The following ETV6 variants were observed in gnomAD, a reference collection of about 807,000 sequenced individuals.
ETV6 encodes transcription factor ETV6.
ETV6 carries 16 observed loss-of-function variants against 51.1 expected under a neutral mutation model. The observed-to-expected ratio is 0.31, with a 90% CI of 0.21 to 0.48. The LOEUF (loss-of-function observed/expected upper bound fraction) is 0.48, where lower values mean the gene tolerates loss of function less well. ETV6 is among the 20% of genes least tolerant of loss of function. The probability of loss-of-function intolerance (pLI) is 0.99; values close to 1 mark genes in which losing one functional copy is unlikely to be tolerated. For synonymous variants in ETV6, 240 were observed against 224.1 expected, an observed-to-expected ratio of 1.07 and a Z score of -0.64; for missense variants, 458 against 594.8, an observed-to-expected ratio of 0.77 and a Z score of 2.39.
chr12:11,689,041 CAAAG>C (rs1207870598), intron 1 of ETV6, among the ~76,000 whole-genome samples: 1 of 137,122 alleles, frequency 7.3e-6, no homozygotes, highest in East Asian at 2.1e-4. Flanking sequence ...TCTCTTTAGA[CAAAG>C]AAAATATGTG....
rs1428263884 is a variant in ETV6 at position 11,844,433 on chromosome 12, C to A, written c.328+5129C>A. On this transcript the variant is annotated intron_variant, in intron 3 of 7. Transcript: ENST00000396373. The stretch of plus-strand genomic sequence containing the variant: ...TGCAAATTGTTTCTTCCCTTTCCAA[C>A]CCACCAGAACCTTTGTCTTTGGAAA... 2.0e-4 allele frequency among the ~76,000 whole-genome samples: 31 copies of A among 152,150 alleles called. 1 individual carries two copies. Among genetic ancestry groups the A allele is most frequent in the Non-Finnish European group, 1.5e-5 (1 of 68,036 alleles).
chr12:11,789,602 C>A (rs78289924), intron 2 of ETV6, among the ~76,000 whole-genome samples: 6,531 of 152,192 alleles, frequency 0.043, 336 homozygotes, highest in African/African-American at 0.13. Context: ...GGGGAGGCAA[C>A]TTTATTGAGA....
At chr12:11,698,621 T>G (rs1453666582) in intron 1 of ETV6, among the ~76,000 whole-genome samples, 4 of 152,166 alleles carry the variant, frequency 2.6e-5, no homozygotes, top group African/African-American at 9.7e-5. Flanking sequence ...CAAGGGAGTT[T>G]AATGTTTTCC....
chr12:11,874,525 T>C (rs1470987666), intron 5 of ETV6, among the ~76,000 whole-genome samples: 1 of 9,472 alleles, frequency 1.1e-4, no homozygotes, highest in African/African-American at 2.2e-4. Flanking sequence ...TACACACATA[T>C]ATGTGTATGT....
intron 1 of ETV6, among the ~76,000 whole-genome samples, chr12:11,682,555 G>A (rs564272839): frequency 6.6e-6 from 1 of 152,148 alleles, no homozygotes; most frequent in Non-Finnish European, 1.5e-5. Flanking sequence ...CTGAGCAGAA[G>A]CTCTTTAGTT....
At chr12:11,744,895 C>G (rs1865878650) in intron 1 of ETV6, among the ~76,000 whole-genome samples, 1 of 146,504 alleles carries the variant, frequency 6.8e-6, no homozygotes, top group South Asian at 2.2e-4. Context: ...TTAGAAATAT[C>G]TAAGGAAATT....
chr12:11,671,220 T>C (rs1180214946), intron 1 of ETV6, among the ~76,000 whole-genome samples: 1 of 152,144 alleles, frequency 6.6e-6, no homozygotes, highest in African/African-American at 2.4e-5. Flanking sequence ...AGGCCCAAGG[T>C]GGCAGCCTTG....
intron 2 of ETV6, among the ~76,000 whole-genome samples, chr12:11,806,811 G>A (rs2136412305): frequency 6.6e-6 from 1 of 152,286 alleles, no homozygotes; most frequent in East Asian, 1.9e-4. Context: ...TTACGTACAT[G>A]GTAGTCCTCA....
intron 7 of ETV6, 37 bp from the exon 8 acceptor site, chr12:11,890,904 A>T: frequency 5.3e-6 from 8 of 1,519,920 alleles, no homozygotes; most frequent in Non-Finnish European, 7.3e-6. Flanking sequence ...CTTTAGGAAA[A>T]TGGAATCTCT....
chr12:11,828,408 C>G (rs1376842359), intron 2 of ETV6, among the ~76,000 whole-genome samples: 3 of 152,202 alleles, frequency 2.0e-5, no homozygotes, highest in African/African-American at 7.2e-5. Context: ...ATTGTACCCC[C>G]ACTTCTAAGT....
Position 11,893,330 on chromosome 12 carries a change from T to C in ETV6, c.*2284T>C, listed in dbSNP as rs183543088. 2.1e-3 allele frequency: 473 copies of C among 227,622 alleles called. 4 individuals are homozygous for C. In the Admixed American group the frequency reaches 0.023, roughly 11 times the overall value. The allele number at this position is 227,622 out of a possible 1,614,324, so 14.1% of individuals were successfully genotyped here. A position where few individuals can be genotyped will look rare whatever the true frequency, so the allele number is the denominator to read the frequency against. On this transcript the variant is annotated 3_prime_UTR_variant, in exon 8 of 8. Coordinates refer to ENST00000396373, the MANE Select transcript of ETV6 (RefSeq NM_001987.5). Reference sequence around the variant, plus strand: ...TCTCAGTCTGGCCTCTTCACCCAAGTGCAAGAACTCAGTCTCTTACTGTTC... The same window carrying C: ...TCTCAGTCTGGCCTCTTCACCCAAGCGCAAGAACTCAGTCTCTTACTGTTC...
intron 2 of ETV6, among the ~76,000 whole-genome samples, chr12:11,776,624 T>G (rs1945330063): frequency 6.6e-6 from 1 of 152,166 alleles, no homozygotes; most frequent in Non-Finnish European, 1.5e-5. Context: ...ACACACCTGG[T>G]CACTCCAAAC....
At chr12:11,724,401 C>T (rs1865450470) in intron 1 of ETV6, among the ~76,000 whole-genome samples, 1 of 152,362 alleles carries the variant, frequency 6.6e-6, no homozygotes, top group South Asian at 2.1e-4. Context: ...CCATCAGTAC[C>T]AGGAGACTTT....
At chr12:11,805,444 T>C (rs1382405732) in intron 2 of ETV6, among the ~76,000 whole-genome samples, 1 of 152,234 alleles carries the variant, frequency 6.6e-6, no homozygotes, top group African/African-American at 2.4e-5. Context: ...AGACAAGATA[T>C]GTCTCATCAA....
At chr12:11,738,230 C>T (rs544242070) in intron 1 of ETV6, among the ~76,000 whole-genome samples, 13 of 146,630 alleles carry the variant, frequency 8.9e-5, no homozygotes, top group African/African-American at 2.5e-4. Flanking sequence ...CCTTCCCTCC[C>T]TCCCTCCTTC....
chr12:11,671,128 C>A (rs2724606), intron 1 of ETV6, among the ~76,000 whole-genome samples: 1 of 151,902 alleles, frequency 6.6e-6, no homozygotes, highest in Non-Finnish European at 1.5e-5. Flanking sequence ...GTAAGGTTGG[C>A]AGGGCGGGGA....
Position 11,890,995 on chromosome 12 carries a change from C to T in ETV6, c.1308C>T (p.His436=), listed in dbSNP as rs1947278520. ...IMSGRTDRLE[H]LESQELDEQI... ...GTGGCCGAACAGACCGTCTGGAGCA[C>T]CTAGAGTCCCAGGAGCTGGATGAAC... Residue 436 remains histidine (H), a synonymous_variant, in exon 8 of 8, where the codon CAC becomes CAT. Coordinates refer to ENST00000396373, the MANE Select transcript of ETV6 (RefSeq NM_001987.5). 6.2e-7 allele frequency: 1 copy of T among 1,613,812 alleles called. No homozygotes were observed.
intron 1 of ETV6, among the ~76,000 whole-genome samples, chr12:11,741,670 G>A (rs557774460): frequency 2.0e-5 from 3 of 152,294 alleles, no homozygotes; most frequent in African/African-American, 7.2e-5. Context: ...TCATCATTCA[G>A]GAACTTCCTG....
At chr12:11,789,550 T>G (rs1945549475) in intron 2 of ETV6, among the ~76,000 whole-genome samples, 1 of 152,120 alleles carries the variant, frequency 6.6e-6, no homozygotes, top group African/African-American at 2.4e-5. Flanking sequence ...ATTCTGGCCT[T>G]AATGGAGGAC....
Sources: gnomAD v4.1 joint callset for allele counts (sites outside exome capture counted in the v4.1 genomes callset) on GRCh38, gnomAD v4.1.1 for gene constraint, MANE v1.5 for transcripts, NCBI Gene and HGNC (gene_info 2026-07-23, HGNC 2026-07-21) for gene names.